DNER: variants seen among roughly 807,000 people sequenced by gnomAD.
The protein encoded by DNER is delta/notch like EGF repeat containing.
In DNER, 33 loss-of-function variants were observed where a neutral mutation model predicts 78.2. The ratio of observed to expected loss-of-function variants is 0.42; its 90% CI spans 0.32 to 0.56. The LOEUF (loss-of-function observed/expected upper bound fraction) is 0.56. Among genes scored for constraint, DNER ranks in the 20% least tolerant of loss-of-function variants. DNER has a pLI of 0.11. For missense variants in DNER, 918 were observed against 975.3 expected (o/e 0.94, Z 0.78); for synonymous variants, 417 against 384.8 (o/e 1.08, Z -0.98).
rs140159256 is a variant in DNER, at chr2:229,520,696, G to C, written c.994-7760C>G. On this transcript the variant is annotated intron_variant, in intron 5 of 12. Transcript: ENST00000341772. ...TCGGAAACACTGGAATTCCATTTGA[G>C]CATCCCACATCTGGCTCTTCCCCAT... Among the ~76,000 whole-genome samples the C allele has an allele frequency of 7.3e-3, 1,109 of 152,232 alleles. 16 individuals carry two copies. Among genetic ancestry groups the C allele is most frequent in the Middle Eastern group, 0.014 (4 of 294 alleles).
chr2:229,377,880 C>T (rs1265900873), intron 11 of DNER, among the ~76,000 whole-genome samples: 1 of 152,154 alleles, frequency 6.6e-6, no homozygotes, highest in Non-Finnish European at 1.5e-5. Flanking sequence ...TGCCCAGAAC[C>T]TATCAATACA....
intron 12 of DNER, among the ~76,000 whole-genome samples, chr2:229,365,782 T>C (rs960188836): frequency 6.6e-6 from 1 of 152,180 alleles, no homozygotes; most frequent in African/African-American, 2.4e-5. Context: ...CATCCCAAGA[T>C]AGATCATATA....
chr2:229,673,838 A>G (rs1288814528), intron 1 of DNER, among the ~76,000 whole-genome samples: 1 of 152,234 alleles, frequency 6.6e-6, no homozygotes, highest in African/African-American at 2.4e-5. Context: ...CTTTGCTCTG[A>G]GGCTGACGCA....
At chr2:229,706,830 C>T (rs1037965156) in intron 1 of DNER, among the ~76,000 whole-genome samples, 1 of 152,136 alleles carries the variant, frequency 6.6e-6, no homozygotes, top group Non-Finnish European at 1.5e-5. Context: ...CCCACCTTGG[C>T]CTCCCAAAGG....
intron 5 of DNER, among the ~76,000 whole-genome samples, chr2:229,514,421 G>A (rs1423246574): frequency 6.6e-5 from 10 of 152,046 alleles, no homozygotes; most frequent in Admixed American, 6.6e-4. Context: ...GGCCTCAGAG[G>A]GATGCTTGTA....
At chr2:229,527,845 G>A (rs1286359911) in intron 5 of DNER, among the ~76,000 whole-genome samples, 3 of 152,024 alleles carry the variant, frequency 2.0e-5, no homozygotes, top group South Asian at 2.1e-4. Context: ...ATGTATTCAC[G>A]AGTATTTCTG....
intron 6 of DNER, among the ~76,000 whole-genome samples, chr2:229,482,924 G>A (rs1695196584): frequency 6.6e-6 from 1 of 152,140 alleles, no homozygotes. Flanking sequence ...TGTCTTAAGA[G>A]GGCTACAAAG....
intron 5 of DNER, among the ~76,000 whole-genome samples, chr2:229,519,828 G>T (rs1314562674): frequency 6.6e-6 from 1 of 152,154 alleles, no homozygotes; most frequent in South Asian, 2.1e-4. Flanking sequence ...GATTTCTGTG[G>T]TTTTTCTACT....
chr2:229,707,692 C>CA (rs1699851595), intron 1 of DNER, among the ~76,000 whole-genome samples: 2 of 152,234 alleles, frequency 1.3e-5, no homozygotes, highest in Non-Finnish European at 2.9e-5. Flanking sequence ...CTCTCAAAGA[C>CA]AACTGCTCTA....
intron 10 of DNER, among the ~76,000 whole-genome samples, chr2:229,393,469 T>G (rs918165511): frequency 6.6e-6 from 1 of 151,718 alleles, no homozygotes; most frequent in Admixed American, 6.6e-5. Flanking sequence ...GATTAGACAC[T>G]GCAGAAGAAA....
At chr2:229,500,522 C>T (rs1015438854) in intron 6 of DNER, among the ~76,000 whole-genome samples, 16 of 152,158 alleles carry the variant, frequency 1.1e-4, no homozygotes, top group African/African-American at 3.6e-4. Flanking sequence ...GCAGTAATCT[C>T]CCTACTGGAT....
chr2:229,627,322 G>C (rs756419538), intron 1 of DNER, among the ~76,000 whole-genome samples: 1 of 152,070 alleles, frequency 6.6e-6, no homozygotes, highest in Non-Finnish European at 1.5e-5. Context: ...CTAGTTACAA[G>C]ATAGAAAAGG....
At chr2:229,540,011 C>T (rs1309277461) in intron 5 of DNER, among the ~76,000 whole-genome samples, 1 of 152,054 alleles carries the variant, frequency 6.6e-6, no homozygotes. Context: ...TGCTCAATAA[C>T]GTTGCAATGA....
At chr2:229,582,989 T>G (rs1327808969) in intron 4 of DNER, among the ~76,000 whole-genome samples, 1 of 152,156 alleles carries the variant, frequency 6.6e-6, no homozygotes, top group African/African-American at 2.4e-5. Flanking sequence ...ATACGTTTCA[T>G]CCAAAGATAA....
chr2:229,456,643 G>A (rs1305127024), intron 7 of DNER, among the ~76,000 whole-genome samples: 1 of 151,994 alleles, frequency 6.6e-6, no homozygotes, highest in East Asian at 1.9e-4. Context: ...CTGAATAACA[G>A]ACACAAGTGA....
intron 6 of DNER, among the ~76,000 whole-genome samples, chr2:229,500,636 T>C (rs1695600543): frequency 6.6e-6 from 1 of 152,220 alleles, no homozygotes; most frequent in South Asian, 2.1e-4. Context: ...TCAGTCTAAG[T>C]ATCCATCAAC....
At chr2:229,382,393 A>T (rs1692761137) in intron 11 of DNER, among the ~76,000 whole-genome samples, 1 of 152,180 alleles carries the variant, frequency 6.6e-6, no homozygotes, top group Non-Finnish European at 1.5e-5. Context: ...CTAGCGAGGG[A>T]ACAGAACTGG....
chr2:229,539,478 C>T (rs1185741817), intron 5 of DNER, among the ~76,000 whole-genome samples: 1 of 152,216 alleles, frequency 6.6e-6, no homozygotes, highest in Non-Finnish European at 1.5e-5. Flanking sequence ...CTGGGTCACA[C>T]AATCTGTGAG....
At chr2:229,594,973 A>G (rs1279081676) in intron 1 of DNER, among the ~76,000 whole-genome samples, 1 of 130,028 alleles carries the variant, frequency 7.7e-6, no homozygotes, top group Non-Finnish European at 1.5e-5. Context: ...AAAAAAAAAA[A>G]AAAAAAAAAA....
Sources: allele counts gnomAD v4.1 joint callset (sites outside exome capture counted in the v4.1 genomes callset), GRCh38; gene constraint gnomAD v4.1.1; transcripts MANE v1.5; gene names NCBI Gene and HGNC (gene_info 2026-07-23, HGNC 2026-07-21).